TBC1D5: variants seen among roughly 807,000 people sequenced by gnomAD.
TBC1D5 encodes the protein TBC1 domain family member 5, also known as TBC1 domain family, member 5.
In TBC1D5, 75 loss-of-function variants were observed where a neutral mutation model predicts 100.3. That is an observed-to-expected ratio of 0.75 (90% CI 0.62 to 0.91). The LOEUF (loss-of-function observed/expected upper bound fraction) is 0.91. TBC1D5 is among the 40% of genes least tolerant of loss of function. The pLI is 0.00. For synonymous variants in TBC1D5, 323 were observed against 325.6 expected, an observed-to-expected ratio of 0.99 and a Z score of 0.09; for missense variants, 910 against 942.4, an observed-to-expected ratio of 0.97 and a Z score of 0.45.
chr3:17,223,556 G>A (rs529380820), intron 17 of TBC1D5, among the ~76,000 whole-genome samples: 2 of 152,226 alleles, frequency 1.3e-5, no homozygotes, highest in East Asian at 3.9e-4. Flanking sequence ...ACCCAGATTT[G>A]TCCAAACTTA....
At chr3:17,338,694 T>C (rs1185254653) in intron 13 of TBC1D5, 1 of 152,244 alleles carries the variant, frequency 6.6e-6, no homozygotes, top group Non-Finnish European at 1.5e-5. Context: ...AAAGACATGT[T>C]CAAAATAATT....
intron 2 of TBC1D5, among the ~76,000 whole-genome samples, chr3:17,517,405 G>A (rs899446372): frequency 5.9e-5 from 9 of 152,088 alleles, no homozygotes; most frequent in African/African-American, 1.9e-4. Flanking sequence ...TTAACTTCAG[G>A]AAATTTCTGA....
intron 16 of TBC1D5, among the ~76,000 whole-genome samples, chr3:17,250,587 C>A (rs1453724767): frequency 1.3e-5 from 2 of 152,224 alleles, no homozygotes; most frequent in Non-Finnish European, 2.9e-5. Context: ...AGCGCAGAAT[C>A]ATTTTTCCAC....
At chr3:17,431,635 A>G (rs1051502188) in intron 3 of TBC1D5, among the ~76,000 whole-genome samples, 6 of 152,030 alleles carry the variant, frequency 3.9e-5, no homozygotes, top group Non-Finnish European at 8.8e-5. Context: ...TTGGTATGCA[A>G]CTTTCCTAAT....
chr3:17,375,053 T>C (rs1176349310), intron 10 of TBC1D5, among the ~76,000 whole-genome samples: 1 of 151,578 alleles, frequency 6.6e-6, no homozygotes, highest in Non-Finnish European at 1.5e-5. Flanking sequence ...AAAACATTGA[T>C]TTATTTTCTT....
At chr3:17,642,955 TAC>T in intron 1 of TBC1D5, among the ~76,000 whole-genome samples, 1 of 152,146 alleles carries the variant, frequency 6.6e-6, no homozygotes, top group Non-Finnish European at 1.5e-5. Context: ...ATAGCTATAT[TAC>T]AGTTATTAAA....
intron 3 of TBC1D5, among the ~76,000 whole-genome samples, chr3:17,446,423 C>T (rs1331085742): frequency 6.6e-6 from 1 of 151,732 alleles, no homozygotes; most frequent in Non-Finnish European, 1.5e-5. Flanking sequence ...AAATTTCTGG[C>T]TTACACAACT....
chr3:17,695,374 T>C (rs996299807), intron 1 of TBC1D5, among the ~76,000 whole-genome samples: 1 of 151,996 alleles, frequency 6.6e-6, no homozygotes, highest in Non-Finnish European at 1.5e-5. Context: ...ATGACGCACA[T>C]AGGCTAAAAA....
intron 2 of TBC1D5, among the ~76,000 whole-genome samples, chr3:17,558,720 G>A (rs1235838599): frequency 2.6e-5 from 4 of 152,176 alleles, no homozygotes; most frequent in African/African-American, 4.8e-5. Context: ...TGGGCCATAC[G>A]GTACCTGTTG....
intron 13 of TBC1D5, among the ~76,000 whole-genome samples, chr3:17,323,492 T>C (rs1423749212): frequency 6.9e-6 from 1 of 144,922 alleles, no homozygotes; most frequent in East Asian, 2.2e-4. Context: ...CAAAACACTA[T>C]TTAAACTAGT....
chr3:17,525,234 A>G (rs978514421), intron 2 of TBC1D5, among the ~76,000 whole-genome samples: 3 of 152,036 alleles, frequency 2.0e-5, no homozygotes, highest in Non-Finnish European at 4.4e-5. Context: ...GGTTCAAGCA[A>G]TTCTCCTGCC....
intron 2 of TBC1D5, among the ~76,000 whole-genome samples, chr3:17,596,315 CTTT>C (rs397874911): frequency 7.9e-6 from 1 of 125,990 alleles, no homozygotes; most frequent in Admixed American, 8.2e-5. Flanking sequence ...TCCAGCTTTC[CTTT>C]TTTTTTTTTT....
intron 17 of TBC1D5, among the ~76,000 whole-genome samples, chr3:17,215,993 A>G (rs1169369973): frequency 1.3e-5 from 2 of 152,158 alleles, no homozygotes; most frequent in Non-Finnish European, 2.9e-5. Flanking sequence ...CTGTCCTCCC[A>G]GAGTGCAGAA....
chr3:17,653,133 A>C (rs1474840875), intron 1 of TBC1D5, among the ~76,000 whole-genome samples: 1 of 152,170 alleles, frequency 6.6e-6, no homozygotes, highest in Non-Finnish European at 1.5e-5. Context: ...GTAAATCTAC[A>C]TAGTCAGAAC....
chr3:17,383,299 C>A (rs563657404), intron 9 of TBC1D5, among the ~76,000 whole-genome samples: 3 of 151,094 alleles, frequency 2.0e-5, no homozygotes, highest in South Asian at 4.2e-4. Flanking sequence ...ATAAAAATAC[C>A]CAAGTGTGTG....
chr3:17,672,400 T>C (rs1235755725), intron 1 of TBC1D5: 1 of 152,210 alleles, frequency 6.6e-6, no homozygotes, highest in Non-Finnish European at 1.5e-5. Context: ...CAAAATCATA[T>C]TGTTCATATT....
At chr3:17,352,389 G>A (rs1326203623) in intron 13 of TBC1D5, among the ~76,000 whole-genome samples, 2 of 151,732 alleles carry the variant, frequency 1.3e-5, no homozygotes, top group African/African-American at 4.8e-5. Flanking sequence ...AAATCTCTAA[G>A]TGTTAAAATA....
chr3:17,542,352 G>A (rs1197729137), intron 2 of TBC1D5, among the ~76,000 whole-genome samples: 2 of 152,088 alleles, frequency 1.3e-5, no homozygotes, highest in Non-Finnish European at 2.9e-5. Flanking sequence ...ATGTGAATGT[G>A]GTATCTTTCT....
At chr3:17,238,400 G>A in exon 17 of TBC1D5, 1 of 1,613,198 alleles carries the variant, frequency 6.2e-7, no homozygotes, top group Non-Finnish European at 8.5e-7. Flanking sequence ...ATATTCAGGG[G>A]AGCACCTTTG....
Sources: allele counts gnomAD v4.1 joint callset (sites outside exome capture counted in the v4.1 genomes callset), GRCh38; gene constraint gnomAD v4.1.1; transcripts MANE v1.5; gene names NCBI Gene and HGNC (gene_info 2026-07-23, HGNC 2026-07-21).